Variants in CAST observed in about 807,000 individuals in gnomAD.
The protein encoded by CAST is MIR583 host.
Under a neutral mutation model 119.6 loss-of-function variants are expected in CAST, and 76 were observed. The observed-to-expected ratio is 0.64, with a 90% CI of 0.53 to 0.77. The LOEUF (loss-of-function observed/expected upper bound fraction) is 0.77, where lower values mean the gene tolerates loss of function less well. Ranked by LOEUF, CAST falls within the 30% of genes least tolerant of loss-of-function variation. The pLI is 0.00. For synonymous variants in CAST, 319 were observed against 331.6 expected, an observed-to-expected ratio of 0.96 and a Z score of 0.41; for missense variants, 953 against 946.5, an observed-to-expected ratio of 1.01 and a Z score of -0.09.
chr5:96,587,707 A>C (rs956769642), intron 1 of CAST, among the ~76,000 whole-genome samples: 3 of 152,220 alleles, frequency 2.0e-5, no homozygotes, highest in African/African-American at 4.8e-5. Context: ...TAACTGCAAG[A>C]AATGCTCAGT....
intron 18 of CAST, among the ~76,000 whole-genome samples, chr5:96,747,624 A>AT (rs1764050361): frequency 6.6e-6 from 1 of 152,152 alleles, no homozygotes; most frequent in African/African-American, 2.4e-5. Context: ...TCTAGGTAAA[A>AT]TTTATTGCAC....
At chr5:96,741,708 T>C in intron 15 of CAST, 128 bp downstream of exon 15, 1 of 641,046 alleles carries the variant, frequency 1.6e-6, no homozygotes, top group Non-Finnish European at 2.8e-6. Context: ...CTATGTGGAA[T>C]AGTGAAGCCA....
the CAST span, among the ~76,000 whole-genome samples, chr5:96,124,312 C>T: frequency 6.6e-6 from 1 of 152,258 alleles, no homozygotes; most frequent in Middle Eastern, 3.4e-3. Flanking sequence ...CTGCCTCAGC[C>T]TCCTGAATAG....
the CAST span, among the ~76,000 whole-genome samples, chr5:96,083,465 C>T: frequency 2.6e-5 from 4 of 152,208 alleles, no homozygotes; most frequent in African/African-American, 7.2e-5. Flanking sequence ...GAGGCAGCAA[C>T]GTCCTCCCTC....
the CAST span, among the ~76,000 whole-genome samples, chr5:95,998,374 G>A: frequency 2.0e-5 from 3 of 152,002 alleles, no homozygotes; most frequent in Admixed American, 6.6e-5. Context: ...AGTGATCATT[G>A]TACCTAATAG....
chr5:96,717,013 A>AT (rs1255309868), intron 3 of CAST, among the ~76,000 whole-genome samples: 1 of 152,194 alleles, frequency 6.6e-6, no homozygotes, highest in Non-Finnish European at 1.5e-5. Flanking sequence ...CTTAAAAAAA[A>AT]CTTAAAGTAT....
the CAST span, among the ~76,000 whole-genome samples, chr5:95,978,512 A>C: frequency 4.6e-5 from 7 of 151,206 alleles, no homozygotes; most frequent in African/African-American, 1.7e-4. Context: ...TTTTCTTGTA[A>C]ATTTGTTTGT....
the CAST span, among the ~76,000 whole-genome samples, chr5:96,025,497 G>A: frequency 6.6e-6 from 1 of 152,132 alleles, no homozygotes; most frequent in African/African-American, 2.4e-5. Flanking sequence ...TCAGTCCGTA[G>A]CAAGTTCCAT....
At chr5:96,564,761 A>G (rs1417767166) in intron 1 of CAST, among the ~76,000 whole-genome samples, 1 of 152,192 alleles carries the variant, frequency 6.6e-6, no homozygotes, top group Non-Finnish European at 1.5e-5. Context: ...ACTACAAAAA[A>G]TTAGCCAGGC....
At chr5:96,234,592 A>C in the CAST span, among the ~76,000 whole-genome samples, 1 of 152,206 alleles carries the variant, frequency 6.6e-6, no homozygotes, top group Non-Finnish European at 1.5e-5. Flanking sequence ...TTCCTGTTCC[A>C]CCAGCCTTGG....
the CAST span, among the ~76,000 whole-genome samples, chr5:96,139,745 T>G: frequency 1.3e-5 from 2 of 152,094 alleles, no homozygotes; most frequent in African/African-American, 4.8e-5. Flanking sequence ...TAATTATCTT[T>G]GTCATATTCT....
intron 27 of CAST, among the ~76,000 whole-genome samples, chr5:96,766,516 G>A (rs953389089): frequency 6.6e-6 from 1 of 152,178 alleles, no homozygotes; most frequent in Non-Finnish European, 1.5e-5. Context: ...CTGGTGTTGG[G>A]ATAATTAATA....
At chr5:96,457,472 C>A in the CAST span, among the ~76,000 whole-genome samples, 2 of 152,130 alleles carry the variant, frequency 1.3e-5, no homozygotes, top group African/African-American at 4.8e-5. Context: ...GATTGACTAA[C>A]GAGGCCCTGG....
At chr5:96,146,517 C>T in the CAST span, among the ~76,000 whole-genome samples, 2 of 152,224 alleles carry the variant, frequency 1.3e-5, no homozygotes, top group Non-Finnish European at 2.9e-5. Flanking sequence ...GTCTTGGGAA[C>T]TACACTTTGA....
the CAST span, among the ~76,000 whole-genome samples, chr5:96,358,783 G>A: frequency 6.6e-6 from 1 of 152,140 alleles, no homozygotes; most frequent in Admixed American, 6.5e-5. Context: ...AGTATGATGT[G>A]GTGCTGACAA....
the CAST span, among the ~76,000 whole-genome samples, chr5:96,514,640 C>T: frequency 6.6e-6 from 1 of 152,114 alleles, no homozygotes; most frequent in Non-Finnish European, 1.5e-5. Flanking sequence ...CCCAGCACTC[C>T]CTGCCTTGGA....
chr5:96,726,896 C>G, intron 5 of CAST, 37 bp downstream of exon 5: 1 of 1,421,728 alleles, frequency 7.0e-7, no homozygotes, highest in Non-Finnish European at 9.9e-7. Flanking sequence ...TCTCTGTTTA[C>G]TAACGGTTAC....
chr5:96,701,805 CA>C (rs1259689905), intron 3 of CAST, among the ~76,000 whole-genome samples: 2,826 of 123,518 alleles, frequency 0.023, 38 homozygotes, highest in South Asian at 0.067. Flanking sequence ...AATCCCACCT[CA>C]AAAAAAAAAA....
chr5:96,568,437 T>G (rs1282931025), intron 1 of CAST, among the ~76,000 whole-genome samples: 1 of 151,672 alleles, frequency 6.6e-6, no homozygotes, highest in Non-Finnish European at 1.5e-5. Flanking sequence ...TAGCAGGGGG[T>G]GCCTGTAATC....
Sources: gnomAD v4.1 joint callset for allele counts (sites outside exome capture counted in the v4.1 genomes callset) on GRCh38, gnomAD v4.1.1 for gene constraint, MANE v1.5 for transcripts, NCBI Gene and HGNC (gene_info 2026-07-23, HGNC 2026-07-21) for gene names.